Variants in ADGRL2 observed in about 807,000 individuals in gnomAD.
The protein encoded by ADGRL2 is adhesion G protein-coupled receptor L2.
A neutral mutation model predicts 157.4 loss-of-function variants in ADGRL2; 44 were observed. That is an observed-to-expected ratio of 0.28 (90% CI 0.22 to 0.36). The LOEUF is 0.36. Among genes scored for constraint, ADGRL2 ranks in the 10% least tolerant of loss-of-function variants. ADGRL2 has a pLI of 1.00. For missense variants in ADGRL2, 1,510 were observed against 1,768.9 expected, an observed-to-expected ratio of 0.85 and a Z score of 2.63; for synonymous variants, 585 against 624.7, an observed-to-expected ratio of 0.94 and a Z score of 0.95.
intron 1 of ADGRL2, among the ~76,000 whole-genome samples, chr1:81,377,817 C>G (rs2076276134): frequency 6.6e-6 from 1 of 152,036 alleles, no homozygotes; most frequent in Non-Finnish European, 1.5e-5. Context: ...CACCACATCT[C>G]TCATGATTTT....
At chr1:81,851,734 T>TTG (rs5775643) in intron 2 of ADGRL2, among the ~76,000 whole-genome samples, 31,687 of 146,128 alleles carry the variant, frequency 0.22, 3,758 homozygotes, top group East Asian at 0.58. Context: ...CCACTTAAAT[T>TTG]TGTGTGTGTG....
At chr1:81,543,202 T>C (rs770795077) in intron 2 of ADGRL2, among the ~76,000 whole-genome samples, 1 of 152,134 alleles carries the variant, frequency 6.6e-6, no homozygotes, top group African/African-American at 2.4e-5. Flanking sequence ...AGACTCCTAA[T>C]TCCCAACATG....
At chr1:81,861,652 G>A (rs1385735028) in intron 2 of ADGRL2, among the ~76,000 whole-genome samples, 1 of 152,220 alleles carries the variant, frequency 6.6e-6, no homozygotes, top group Admixed American at 6.5e-5. Context: ...CCTTCAGGAG[G>A]CTGAGGCAGG....
chr1:81,746,915 C>CGTAT (rs1553148493), intron 1 of ADGRL2, among the ~76,000 whole-genome samples: 1 of 133,204 alleles, frequency 7.5e-6, no homozygotes, highest in Admixed American at 7.2e-5. Context: ...CACGTGCACA[C>CGTAT]GTATATACGT....
At chr1:81,360,286 T>C (rs1228784918) in intron 1 of ADGRL2, among the ~76,000 whole-genome samples, 1 of 151,996 alleles carries the variant, frequency 6.6e-6, no homozygotes, top group African/African-American at 2.4e-5. Context: ...ATTGACTGTT[T>C]TCTTCTGTCA....
intron 2 of ADGRL2, among the ~76,000 whole-genome samples, chr1:81,504,888 C>T (rs575388150): frequency 1.4e-4 from 22 of 152,314 alleles, no homozygotes; most frequent in Non-Finnish European, 2.9e-4. Context: ...AACTCCACAG[C>T]TCCTCCTGGA....
At chr1:81,903,335 T>C (rs2094522715) in intron 2 of ADGRL2, among the ~76,000 whole-genome samples, 1 of 152,178 alleles carries the variant, frequency 6.6e-6, no homozygotes, top group Admixed American at 6.5e-5. Context: ...TTGTCAGTTT[T>C]ACTAATATAT....
intron 2 of ADGRL2, among the ~76,000 whole-genome samples, chr1:81,497,157 G>T (rs1344714472): frequency 6.6e-6 from 1 of 152,112 alleles, no homozygotes; most frequent in African/African-American, 2.4e-5. Flanking sequence ...GTAGAAAACT[G>T]CCAGTTTTCT....
chr1:81,655,820 T>C (rs1352507840), intron 3 of ADGRL2, among the ~76,000 whole-genome samples: 2 of 24,172 alleles, frequency 8.3e-5, no homozygotes, highest in African/African-American at 1.9e-4. Context: ...GGCTCTTATG[T>C]GTGTGTGTGA....
At chr1:81,836,787 G>A (rs2092306815) in intron 1 of ADGRL2, 98 bp from the exon 2 acceptor site, 1 of 435,246 alleles carries the variant, frequency 2.3e-6, no homozygotes, top group Non-Finnish European at 4.0e-6. Context: ...ATCAAAATAT[G>A]TTTTATATTC....
At chr1:81,508,495 C>G (rs978420713) in intron 2 of ADGRL2, among the ~76,000 whole-genome samples, 5 of 152,210 alleles carry the variant, frequency 3.3e-5, no homozygotes, top group Non-Finnish European at 7.3e-5. Context: ...AATGAGGAGA[C>G]AAGGAACAAT....
At chr1:81,725,333 T>C (rs117016666) in intron 1 of ADGRL2, among the ~76,000 whole-genome samples, 10,607 of 151,664 alleles carry the variant, frequency 0.07, 468 homozygotes, top group Non-Finnish European at 0.097. Context: ...AGGTCAGGAA[T>C]TTGAGACCAG....
chr1:81,694,109 A>C (rs2083396525), intron 3 of ADGRL2, among the ~76,000 whole-genome samples: 1 of 152,030 alleles, frequency 6.6e-6, no homozygotes, highest in African/African-American at 2.4e-5. Context: ...TTTGAAGATG[A>C]CATTAAACAC....
chr1:81,373,889 C>T (rs1301795301), intron 1 of ADGRL2, among the ~76,000 whole-genome samples: 1 of 152,172 alleles, frequency 6.6e-6, no homozygotes, highest in African/African-American at 2.4e-5. Flanking sequence ...ATCTGGACAA[C>T]ATGAAGCAAT....
In ADGRL2 at chr1:81,405,404, G is replaced by C. The variant is rs10874237; in HGVS notation, c.-301-39632G>C. Among the ~76,000 whole-genome samples the C allele has an allele frequency of 1.2e-3, 187 of 151,974 alleles. 2 individuals carry two copies. Among genetic ancestry groups the C allele is most frequent in the African/African-American group, 4.4e-3 (182 of 41,452 alleles). On this transcript the variant is annotated intron_variant, in intron 1 of 24. Coordinates refer to the ADGRL2 transcript ENST00000370721. Reference sequence around the variant, plus strand: ...TATTTCAGGCCAGGTGTGGTGGCTCGTGCCTGTAATCCCAATACTTTGGGA... The same window carrying C: ...TATTTCAGGCCAGGTGTGGTGGCTCCTGCCTGTAATCCCAATACTTTGGGA...
chr1:81,980,974 A>G, intron 18 of ADGRL2: 2 of 455,574 alleles, frequency 4.4e-6, no homozygotes, highest in Non-Finnish European at 4.1e-6. Context: ...TTAAACTATA[A>G]TATGCCTTTA....
intron 1 of ADGRL2, among the ~76,000 whole-genome samples, chr1:81,355,955 T>C (rs996184345): frequency 6.6e-6 from 1 of 152,184 alleles, no homozygotes; most frequent in African/African-American, 2.4e-5. Flanking sequence ...CTTACTCCCA[T>C]TGTTACATAT....
intron 2 of ADGRL2, among the ~76,000 whole-genome samples, chr1:81,475,509 A>G (rs1240364183): frequency 6.6e-6 from 1 of 152,194 alleles, no homozygotes; most frequent in East Asian, 1.9e-4. Context: ...AAGAATTAGG[A>G]ATACCTATTT....
chr1:81,349,048 A>C (rs780116915), intron 1 of ADGRL2, among the ~76,000 whole-genome samples: 3 of 152,194 alleles, frequency 2.0e-5, no homozygotes, highest in African/African-American at 4.8e-5. Flanking sequence ...TAAACCATAT[A>C]TATATTTCCT....
Sources: gnomAD v4.1 joint callset for allele counts (sites outside exome capture counted in the v4.1 genomes callset) on GRCh38, gnomAD v4.1.1 for gene constraint, MANE v1.5 for transcripts, NCBI Gene and HGNC (gene_info 2026-07-23, HGNC 2026-07-21) for gene names.